NLGN1: variants seen among roughly 807,000 people sequenced by gnomAD.
NLGN1 encodes the protein neuroligin-1.
NLGN1 carries 12 observed loss-of-function variants against 65.5 expected under a neutral mutation model. That is an observed-to-expected ratio of 0.18 (90% CI 0.12 to 0.30). The LOEUF is 0.30. Among genes scored for constraint, NLGN1 ranks in the 10% least tolerant of loss-of-function variants. The probability of loss-of-function intolerance (pLI) is 1.00; values close to 1 mark genes in which losing one functional copy is unlikely to be tolerated. For synonymous variants in NLGN1, 350 were observed against 359.5 expected (o/e 0.97, Z 0.30); for missense variants, 750 against 1,007.1 (o/e 0.74, Z 3.46).
chr3:173,572,176 T>G (rs1744757361), intron 2 of NLGN1, among the ~76,000 whole-genome samples: 1 of 152,158 alleles, frequency 6.6e-6, no homozygotes. Context: ...CCAGGCTGCA[T>G]GTAGTGATAA....
exon 7 of NLGN1, chr3:174,284,373 C>T (rs997434035): frequency 6.6e-6 from 1 of 151,262 alleles, no homozygotes; most frequent in Non-Finnish European, 1.5e-5. Context: ...TACTGTTACT[C>T]AATTTTAGCA....
intron 4 of NLGN1, among the ~76,000 whole-genome samples, chr3:173,950,257 C>T (rs1010980329): frequency 8.6e-5 from 13 of 152,004 alleles, no homozygotes; most frequent in Non-Finnish European, 7.4e-5. Context: ...TTTGTTTTAG[C>T]TCATGTATAA....
At chr3:173,493,873 T>G (rs1729581566) in intron 2 of NLGN1, among the ~76,000 whole-genome samples, 1 of 151,830 alleles carries the variant, frequency 6.6e-6, no homozygotes, top group Non-Finnish European at 1.5e-5. Context: ...ATTTTTACCC[T>G]TATTTTTGAT....
chr3:173,639,934 TTCTG>T (rs1156623587), intron 3 of NLGN1, among the ~76,000 whole-genome samples: 2 of 152,102 alleles, frequency 1.3e-5, no homozygotes, highest in Non-Finnish European at 2.9e-5. Flanking sequence ...TTCCCTCTCT[TTCTG>T]TCTCTTTTCT....
chr3:174,270,125 C>CTTCT (rs1349568271), intron 4 of NLGN1, among the ~76,000 whole-genome samples: 4 of 120,088 alleles, frequency 3.3e-5, no homozygotes, highest in African/African-American at 1.2e-4. Context: ...GGTTTCCTTT[C>CTTCT]TTTTTTTTTT....
At chr3:174,001,222 T>TCA (rs1311825856) in intron 4 of NLGN1, among the ~76,000 whole-genome samples, 1 of 152,052 alleles carries the variant, frequency 6.6e-6, no homozygotes, top group Non-Finnish European at 1.5e-5. Context: ...ATTTCAAAGG[T>TCA]CTGAGGTGAC....
At chr3:173,948,316 G>A (rs552565695) in intron 4 of NLGN1, among the ~76,000 whole-genome samples, 1 of 152,296 alleles carries the variant, frequency 6.6e-6, no homozygotes, top group Admixed American at 6.5e-5. Flanking sequence ...AGAACACAAG[G>A]CATGTAACTA....
At chr3:173,407,978 T>G (rs1711617264) in intron 1 of NLGN1, among the ~76,000 whole-genome samples, 1 of 152,216 alleles carries the variant, frequency 6.6e-6, no homozygotes, top group Non-Finnish European at 1.5e-5. Context: ...TGTATGATTT[T>G]CTGAGAATGT....
At chr3:173,796,659 A>C (rs757541326) in intron 3 of NLGN1, among the ~76,000 whole-genome samples, 12 of 152,106 alleles carry the variant, frequency 7.9e-5, no homozygotes, top group Non-Finnish European at 2.9e-5. Context: ...TTCAAGGTAG[A>C]ATTAATCACT....
intron 4 of NLGN1, among the ~76,000 whole-genome samples, chr3:174,147,121 T>C (rs1429697611): frequency 2.0e-5 from 3 of 152,242 alleles, no homozygotes; most frequent in Admixed American, 6.5e-5. Context: ...TCCCCAGTTA[T>C]AGAAAAAGCA....
In NLGN1 at chr3:173,550,434, G is replaced by A. The variant is rs115995499; in HGVS notation, c.-320-53845G>A. Among the ~76,000 whole-genome samples the A allele has an allele frequency of 5.6e-3, 845 of 152,064 alleles. 11 individuals carry two copies. Among genetic ancestry groups the A allele is most frequent in the African/African-American group, 0.019 (802 of 41,512 alleles). The stretch of plus-strand genomic sequence containing the variant: ...TTCACAAAGAACTCAAGTTCAAGAA[G>A]AGCAGGAAGGTAAAGGAAATAACCC... On this transcript the variant is annotated intron_variant, in intron 2 of 6. Coordinates refer to ENST00000457714, the Ensembl canonical transcript of NLGN1.
chr3:173,768,732 A>C lies in NLGN1; in HGVS notation c.494-38948A>C, dbSNP rs575561461. On this transcript the variant is annotated intron_variant, in intron 3 of 6. Coordinates refer to ENST00000457714, the Ensembl canonical transcript of NLGN1. ...TGTGAAGTTCCTAACGTTACAACTA[A>C]ATTATTATCAAAAGTAAAACAGCCC... Among the ~76,000 whole-genome samples, 10 of 152,316 alleles carry C rather than the reference A, an allele frequency of 6.6e-5. No individual in the cohort carries two copies. The South Asian group carries it at 1.9e-3, about 28-fold the overall frequency.
intron 4 of NLGN1, among the ~76,000 whole-genome samples, chr3:173,946,292 TTAGA>T (rs1183583953): frequency 1.3e-5 from 2 of 152,242 alleles, no homozygotes; most frequent in Non-Finnish European, 2.9e-5. Context: ...CTTTGGGCAT[TTAGA>T]TAATGATTTG....
intron 4 of NLGN1, among the ~76,000 whole-genome samples, chr3:173,937,380 A>G (rs895251607): frequency 4.3e-4 from 66 of 152,090 alleles, no homozygotes; most frequent in Non-Finnish European, 1.3e-4. Context: ...TAGCTCAGAG[A>G]ACAAATTAAT....
In NLGN1 at chr3:174,279,241, G is replaced by T; in HGVS notation, c.1240G>T (p.Ala414Ser). The change falls in exon 6 of 7, where the codon GCT (alanine) becomes TCT (serine). Residue 414 changes from alanine (A) to serine (S), a missense_variant. Physicochemically the swap from Ala to Ser is moderately conservative, Grantham distance 99 (BLOSUM62 1). Coordinates refer to ENST00000457714, the Ensembl canonical transcript of NLGN1. The surrounding 1 kb of genome is among the most constrained non-coding windows in gnomAD (Gnocchi z 4.7). Reference sequence around the variant, plus strand: ...TATATCAGCTAGTGATTTTGACTTTGCTGTTTCAAATTTTGTTGATAATTT... The same window carrying T: ...TATATCAGCTAGTGATTTTGACTTTTCTGTTTCAAATTTTGTTGATAATTT... 1 of 1,613,288 alleles carries T rather than the reference G, an allele frequency of 6.2e-7. No homozygotes were observed. The highest frequency in any genetic ancestry group is 1.3e-5 in the African/African-American group (1 of 74,950).
chr3:173,688,245 A>G (rs1764961124), intron 3 of NLGN1, among the ~76,000 whole-genome samples: 2 of 152,186 alleles, frequency 1.3e-5, no homozygotes, highest in East Asian at 1.9e-4. Context: ...TGTGAGTGTT[A>G]TCAATTCTAT....
intron 3 of NLGN1, among the ~76,000 whole-genome samples, chr3:173,623,444 T>C (rs1209634236): frequency 6.6e-6 from 1 of 151,996 alleles, no homozygotes; most frequent in East Asian, 1.9e-4. Context: ...AAGTGAACAA[T>C]CAGAAAATAA....
intron 4 of NLGN1, among the ~76,000 whole-genome samples, chr3:173,950,120 T>G (rs1259165300): frequency 1.3e-5 from 2 of 152,200 alleles, no homozygotes; most frequent in African/African-American, 4.8e-5. Flanking sequence ...CTTTATTATC[T>G]ATAAATGCTT....
intron 4 of NLGN1, among the ~76,000 whole-genome samples, chr3:174,208,644 C>T (rs541186983): frequency 1.4e-5 from 2 of 138,170 alleles, no homozygotes; most frequent in South Asian, 4.7e-4. Flanking sequence ...ACAACTATTG[C>T]AAGATAGCGC....
Sources: gnomAD v4.1 joint callset for allele counts (sites outside exome capture counted in the v4.1 genomes callset) on GRCh38, gnomAD v4.1.1 for gene constraint, Gnocchi (gnomAD v3.1) non-coding constraint, MANE v1.5 for transcripts, NCBI Gene and HGNC (gene_info 2026-07-23, HGNC 2026-07-21) for gene names.